ZNF180: variants seen among roughly 807,000 people sequenced by gnomAD.
The protein encoded by ZNF180 is zinc finger protein 180, also known as zinc finger protein 180 (HHZ168).
In ZNF180, 11 loss-of-function variants were observed where a neutral mutation model predicts 11.8. That is an observed-to-expected ratio of 0.93 (90% CI 0.59 to 1.55). The LOEUF (loss-of-function observed/expected upper bound fraction) is 1.55, where lower values mean the gene tolerates loss of function less well. Among genes scored for constraint, ZNF180 ranks in the 40% most tolerant of loss-of-function variants. ZNF180 has a pLI of 0.00. For synonymous variants in ZNF180, 287 were observed against 257.7 expected (o/e 1.11, Z -1.09); for missense variants, 773 against 781.7 (o/e 0.99, Z 0.13).
At chr19:44,497,204 G>T in intron 2 of ZNF180, 80 bp downstream of exon 2, 3 of 1,308,886 alleles carry the variant, frequency 2.3e-6, no homozygotes, top group East Asian at 2.8e-5. Context: ...AGGCTGCAAA[G>T]AGAGTCAGGG....
chr19:44,478,729 C>T (rs1969998761), intron 4 of ZNF180, among the ~76,000 whole-genome samples: 1 of 152,174 alleles, frequency 6.6e-6, no homozygotes, highest in South Asian at 2.1e-4. Context: ...TAGAAGTTTG[C>T]TCCTAGTAGC....
chr19:44,485,129 C>G (rs950084090), intron 2 of ZNF180: 4 of 145,120 alleles, frequency 2.8e-5, no homozygotes, highest in African/African-American at 1.0e-4. Flanking sequence ...CCACTGTACT[C>G]CAGCCTAGGC....
At chr19:44,489,418 C>A (rs1970364717) in intron 2 of ZNF180, among the ~76,000 whole-genome samples, 1 of 141,286 alleles carries the variant, frequency 7.1e-6, no homozygotes, top group South Asian at 2.5e-4. Flanking sequence ...GCCTTGGGAT[C>A]CTGTTGATCT....
chr19:44,487,892 A>T (rs1307258644), intron 2 of ZNF180, among the ~76,000 whole-genome samples: 1 of 151,886 alleles, frequency 6.6e-6, no homozygotes, highest in Non-Finnish European at 1.5e-5. Flanking sequence ...ACGCCCAGCT[A>T]ATTTTTGTAT....
chr19:44,498,144 T>C (rs1428135634), intron 1 of ZNF180, among the ~76,000 whole-genome samples: 1 of 152,106 alleles, frequency 6.6e-6, no homozygotes, highest in Non-Finnish European at 1.5e-5. Flanking sequence ...AACTTGGGTA[T>C]ACTCAGGCCT....
chr19:44,497,320 A>ATCCTGCTCTTCCATGCTCTCC lies in ZNF180; in HGVS notation c.-7_14dup (p.Gln4_Asp5insGluGluSerMetGluGluGln). ...CCTTCGGGGGCTCTGGGGGCTTCTC[A>ATCCTGCTCTTCCATGCTCTCC]TCCTGCTCTTCCATGCTCTCCTCCA... On this transcript the variant is annotated inframe_insertion, in exon 2 of 5. Coordinates refer to ENST00000592529, the MANE Select transcript of ZNF180 (RefSeq NM_001278509.3). 1 of 1,596,526 alleles carries ATCCTGCTCTTCCATGCTCTCC rather than the reference A, an allele frequency of 6.3e-7. No homozygotes were observed. Among genetic ancestry groups the ATCCTGCTCTTCCATGCTCTCC allele is most frequent in the Non-Finnish European group, 8.5e-7 (1 of 1,174,274 alleles).
chr19:44,479,153 A>C, intron 4 of ZNF180, 130 bp downstream of exon 4: 2 of 1,092,776 alleles, frequency 1.8e-6, no homozygotes, highest in Non-Finnish European at 2.6e-6. Context: ...TCACTGGGGA[A>C]TAAAGAGCAC....
rs529586105 is a variant in ZNF180 at position 44,486,306 on chromosome 19, T to C, written c.52-1871A>G. ...TAAAAGGAGTTATTCTTTGAAGGGGTAGAACTGAGGAGCAGGTTCACTGTC... is the reference window on the plus strand; with the variant it reads ...TAAAAGGAGTTATTCTTTGAAGGGGCAGAACTGAGGAGCAGGTTCACTGTC... On this transcript the variant is annotated intron_variant, in intron 2 of 4. Coordinates refer to ENST00000592529, the MANE Select transcript of ZNF180 (RefSeq NM_001278509.3). 1.4e-3 allele frequency among the ~76,000 whole-genome samples: 217 copies of C among 152,302 alleles called. 3 individuals carry two copies. The highest frequency in any genetic ancestry group is 4.7e-3 in the African/African-American group (195 of 41,570).
At chr19:44,497,462 G>A in intron 1 of ZNF180, 85 bp from the exon 2 acceptor site, 2 of 1,320,820 alleles carry the variant, frequency 1.5e-6, no homozygotes, top group Non-Finnish European at 2.0e-6. Flanking sequence ...CTGCTCCCAG[G>A]ATGCAGGATG....
At position 44,495,770 on chromosome 19, in the gene ZNF180, T is replaced by C. The variant is rs1371509344; in HGVS notation, c.51+1514A>G. Reference sequence around the variant, plus strand: ...GCACAAGCGACTTCTTCATTCCACTTGGGCTCTGACTATGCTGGGATGTCA... The same window carrying C: ...GCACAAGCGACTTCTTCATTCCACTCGGGCTCTGACTATGCTGGGATGTCA... On this transcript the variant is annotated intron_variant, in intron 2 of 4. Coordinates refer to ENST00000592529, the MANE Select transcript of ZNF180 (RefSeq NM_001278509.3). This position sits in a 1 kb window ranked among gnomAD's most constrained non-coding sequence, Gnocchi z 4.5. 6.6e-6 allele frequency among the ~76,000 whole-genome samples: 1 copy of C among 152,032 alleles called. No individual in the cohort carries two copies. The highest frequency in any genetic ancestry group is 1.5e-5 in the Non-Finnish European group (1 of 67,998).
chr19:44,484,187 A>G (rs1199337831), intron 3 of ZNF180, among the ~76,000 whole-genome samples, 174 bp downstream of exon 3: 2 of 151,670 alleles, frequency 1.3e-5, no homozygotes, highest in Non-Finnish European at 2.9e-5. Flanking sequence ...TTTAGTAGAG[A>G]CGGGGTTTCA....
In ZNF180 at chr19:44,475,047, T is replaced by A. The variant is rs1192086429; in HGVS notation, c.*1355A>T. 1 of 152,210 alleles carries A rather than the reference T, an allele frequency of 6.6e-6. No individual in the cohort carries two copies. The highest frequency in any genetic ancestry group is 1.5e-5 in the Non-Finnish European group (1 of 68,038). The allele number at this position is 152,210 out of a possible 1,614,324, so 9.4% of individuals were successfully genotyped here. On this transcript the variant is annotated 3_prime_UTR_variant, in exon 5 of 5. Coordinates refer to ENST00000592529, the MANE Select transcript of ZNF180 (RefSeq NM_001278509.3). ...CTATCCCAAGGGTATTAACCTCTATTATCTGGTCTCTCAGTTCAACTTTCA... is the reference window on the plus strand; with the variant it reads ...CTATCCCAAGGGTATTAACCTCTATAATCTGGTCTCTCAGTTCAACTTTCA...
At chr19:44,484,486 G>T in intron 2 of ZNF180, 51 bp from the exon 3 acceptor site, 1 of 1,380,004 alleles carries the variant, frequency 7.2e-7, no homozygotes, top group Non-Finnish European at 1.0e-6. Flanking sequence ...GGAGCTAAGT[G>T]GCAGCTCAAA....
At chr19:44,488,598 T>G (rs1970314162) in intron 2 of ZNF180, among the ~76,000 whole-genome samples, 1 of 152,058 alleles carries the variant, frequency 6.6e-6, no homozygotes, top group African/African-American at 2.4e-5. Flanking sequence ...TGCAGTGGCG[T>G]GATCTCGGCT....
In ZNF180 at chr19:44,477,183, C is replaced by T. The variant is rs552404861; in HGVS notation, c.1217G>A (p.Gly406Glu). ...CTGATTGCATTCATAAGGCTTCTCC[C>T]CAGTATGAGTTCTTTGATGCACAAC... ...VLVVHQRTHTGEKPYECNQCG... is the reference protein window; with the variant it reads ...VLVVHQRTHTEEKPYECNQCG... The change falls in exon 5 of 5, where the codon GGG becomes GAG. Residue 406 changes from glycine to glutamate, a missense_variant. Gly to Glu is a moderately conservative substitution (Grantham distance 98). Coordinates refer to ENST00000592529, the MANE Select transcript of ZNF180 (RefSeq NM_001278509.3). 2.5e-6 allele frequency: 4 copies of T among 1,613,390 alleles called. No individual in the cohort carries two copies. In the South Asian group the frequency reaches 3.3e-5, roughly 13 times the overall value.
chr19:44,500,355 C>T lies in ZNF180; in HGVS notation c.-124G>A, dbSNP rs563108002. The T allele has an allele frequency of 2.9e-6, 4 of 1,370,326 alleles. No homozygotes were observed. The highest frequency in any genetic ancestry group is 4.6e-5 in the East Asian group (2 of 43,518). The allele number at this position is 1,370,326 out of a possible 1,614,324, so 84.9% of individuals were successfully genotyped here. A position where few individuals can be genotyped will look rare whatever the true frequency, so the allele number is the denominator to read the frequency against. ...GCACGGCTCTGCGGCAGGACGAACT[C>T]GGGTTAGGCAACCCCCTGCCCCGAT... On this transcript the variant is annotated 5_prime_UTR_variant, in exon 1 of 5. Coordinates refer to ENST00000592529, the MANE Select transcript of ZNF180 (RefSeq NM_001278509.3).
At chr19:44,496,323 G>C (rs896493525) in intron 2 of ZNF180, among the ~76,000 whole-genome samples, 25 of 152,020 alleles carry the variant, frequency 1.6e-4, no homozygotes, top group Admixed American at 1.6e-3. Context: ...TTGGCCAATT[G>C]TCAATATTTT....
At chr19:44,482,324 A>G (rs1970103985) in intron 3 of ZNF180, among the ~76,000 whole-genome samples, 1 of 152,122 alleles carries the variant, frequency 6.6e-6, no homozygotes, top group Non-Finnish European at 1.5e-5. Flanking sequence ...CATAATAACA[A>G]TAAAATATTG....
intron 3 of ZNF180, among the ~76,000 whole-genome samples, chr19:44,480,900 G>A (rs1334766903): frequency 1.3e-5 from 2 of 152,124 alleles, no homozygotes; most frequent in Admixed American, 6.6e-5. Flanking sequence ...GTTATGATTA[G>A]TAGGTCTCAG....
Sources: gnomAD v4.1 joint callset for allele counts (sites outside exome capture counted in the v4.1 genomes callset) on GRCh38, gnomAD v4.1.1 for gene constraint, Gnocchi (gnomAD v3.1) non-coding constraint, MANE v1.5 for transcripts, NCBI Gene and HGNC (gene_info 2026-07-23, HGNC 2026-07-21) for gene names.